SNU13: variants seen among roughly 807,000 people sequenced by gnomAD.
SNU13 encodes NHP2-like protein 1.
In SNU13, 2 loss-of-function variants were observed where a neutral mutation model predicts 12.4. The ratio of observed to expected loss-of-function variants is 0.16; its 90% CI spans 0.07 to 0.51. The LOEUF is 0.51. Ranked by LOEUF, SNU13 falls within the 20% of genes least tolerant of loss-of-function variation. SNU13 has a pLI of 0.96. For missense variants in SNU13, 66 were observed against 157.8 expected (o/e 0.42, Z 3.12); for synonymous variants, 68 against 66.5 (o/e 1.02, Z -0.11).
intron 1 of SNU13, among the ~76,000 whole-genome samples, chr22:41,685,958 G>C (rs1462150218): frequency 3.2e-5 from 4 of 123,560 alleles, no homozygotes; most frequent in Non-Finnish European, 6.8e-5. Flanking sequence ...GACAGAGCGA[G>C]ACTCTGTCTC....
intron 2 of SNU13, chr22:41,679,574 A>T (rs554912275): frequency 8.6e-5 from 13 of 151,930 alleles, no homozygotes; most frequent in African/African-American, 2.4e-4. Context: ...ATAAATAAAT[A>T]AATAAAATAA....
chr22:41,679,364 C>A (rs2068242147), intron 2 of SNU13, among the ~76,000 whole-genome samples: 1 of 152,160 alleles, frequency 6.6e-6, no homozygotes, highest in South Asian at 2.1e-4. Flanking sequence ...CGAGACCAGA[C>A]TGACCAACAT....
At chr22:41,683,499 C>T (rs1210914352) in intron 1 of SNU13, among the ~76,000 whole-genome samples, 8 of 152,102 alleles carry the variant, frequency 5.3e-5, no homozygotes, top group Non-Finnish European at 8.8e-5. Flanking sequence ...CCTGGGCATC[C>T]CAAAGTACTG....
upstream of SNU13, chr22:41,688,921 G>C (rs1288481406): frequency 9.0e-6 from 13 of 1,448,356 alleles, no homozygotes; most frequent in Non-Finnish European, 1.1e-5. Flanking sequence ...GGAAGCGAAG[G>C]TGACGCTACG....
In SNU13 at chr22:41,674,622, T is replaced by G; in HGVS notation, c.*311A>C. The G allele has an allele frequency of 2.9e-6, 1 of 343,736 alleles. No homozygotes were observed. Among genetic ancestry groups the G allele is most frequent in the Non-Finnish European group, 5.5e-6 (1 of 182,472 alleles). The allele number at this position is 343,736 out of a possible 1,614,324, so 21.3% of individuals were successfully genotyped here. A position where few individuals can be genotyped will look rare whatever the true frequency, so the allele number is the denominator to read the frequency against. On this transcript the variant is annotated 3_prime_UTR_variant, in exon 3 of 3. Coordinates refer to ENST00000401959, the MANE Select transcript of SNU13 (RefSeq NM_001003796.2). ...GAAAGCTGGAACCAGATCTCTGTCC[T>G]GGCTCCATCAGCTTTCTCCTGGCTC...
chr22:41,679,837 A>T (rs926028827), intron 2 of SNU13: 2 of 153,242 alleles, frequency 1.3e-5, no homozygotes, highest in African/African-American at 4.8e-5. Context: ...CATCCAAAAA[A>T]AAAAGGGAGA....
chr22:41,684,400 G>A (rs992692466), intron 1 of SNU13, among the ~76,000 whole-genome samples: 9 of 151,252 alleles, frequency 6.0e-5, no homozygotes, highest in South Asian at 2.1e-4. Context: ...TTTTTATCCC[G>A]TTTCTCCCTA....
upstream of SNU13, chr22:41,688,995 G>A (rs1171502979): frequency 1.5e-6 from 2 of 1,319,572 alleles, no homozygotes; most frequent in African/African-American, 2.9e-5. Flanking sequence ...TGTCGAAGAA[G>A]GAACGTACTT....
At chr22:41,677,826 C>T (rs907170526) in intron 2 of SNU13, among the ~76,000 whole-genome samples, 2 of 152,148 alleles carry the variant, frequency 1.3e-5, no homozygotes, top group Non-Finnish European at 2.9e-5. Context: ...CATGCCTTTA[C>T]ACCATGCCCA....
At chr22:41,687,029 C>T (rs1262954068) in intron 1 of SNU13, among the ~76,000 whole-genome samples, 2 of 151,810 alleles carry the variant, frequency 1.3e-5, no homozygotes, top group African/African-American at 2.4e-5. Context: ...GATCTTGGCT[C>T]ACTGCAACCC....
At chr22:41,675,351 G>A (rs1469244683) in intron 2 of SNU13, among the ~76,000 whole-genome samples, 156 bp from the exon 3 acceptor site, 4 of 152,080 alleles carry the variant, frequency 2.6e-5, no homozygotes, top group Non-Finnish European at 5.9e-5. Flanking sequence ...CATACACAAT[G>A]GCATTTTCTC....
intron 2 of SNU13, chr22:41,679,831 CAA>C (rs796215316): frequency 2.1e-5 from 3 of 142,958 alleles, no homozygotes; most frequent in Admixed American, 7.0e-5. Flanking sequence ...TAATTGCATC[CAA>C]AAAAAAAAGG....
Position 41,688,863 on chromosome 22 carries a change from C to A in SNU13, c.-67G>T. On this transcript the variant is annotated 5_prime_UTR_variant, in exon 1 of 3. Coordinates refer to ENST00000401959, the MANE Select transcript of SNU13 (RefSeq NM_001003796.2). ...CTGACGTTTCAGAAGCACTCGCGTG[C>A]ACCGGAAAAACTCACAGAAGCAGCA... The A allele has an allele frequency of 6.5e-7, 1 of 1,531,692 alleles. No individual in the cohort carries two copies. The highest frequency in any genetic ancestry group is 1.4e-5 in the African/African-American group (1 of 73,124). 94.9% of individuals were successfully genotyped at this position (1,531,692 alleles called of 1,614,324 possible).
In SNU13 at chr22:41,682,385, G is replaced by T. The variant is rs761224729; in HGVS notation, c.4-2021C>A. 7.4e-6 allele frequency: 12 copies of T among 1,613,902 alleles called. No individual in the cohort carries two copies. The South Asian group carries it at 1.2e-4, about 16-fold the overall frequency. On this transcript the variant is annotated intron_variant, in intron 1 of 2. Transcript: ENST00000401959. The stretch of plus-strand genomic sequence containing the variant: ...GCGTCTGTCTTGGTAGTCTCTTGCC[G>T]GACACCGCGAGGATACCACGCGTGT...
At chr22:41,681,404 C>T (rs1422429021) in intron 1 of SNU13, 1 of 152,148 alleles carries the variant, frequency 6.6e-6, no homozygotes, top group African/African-American at 2.4e-5. Context: ...TGTAAAATAT[C>T]TTCATGGTTT....
chr22:41,678,945 C>T (rs2068237550), intron 2 of SNU13, among the ~76,000 whole-genome samples: 1 of 152,178 alleles, frequency 6.6e-6, no homozygotes, highest in Admixed American at 6.5e-5. Context: ...ATCAAACTAC[C>T]CAGCATCTAT....
chr22:41,681,788 T>C (rs1032610106), intron 1 of SNU13, among the ~76,000 whole-genome samples: 5 of 152,172 alleles, frequency 3.3e-5, no homozygotes, highest in Non-Finnish European at 7.3e-5. Context: ...TGACGCAGAA[T>C]AGCTTGAACC....
At chr22:41,688,758 C>G (rs1396949346) in intron 1 of SNU13, 36 bp downstream of exon 1, 1 of 1,598,924 alleles carries the variant, frequency 6.3e-7, no homozygotes, top group African/African-American at 1.3e-5. Flanking sequence ...CCTGAGTCTC[C>G]CGCTTCCCGG....
At chr22:41,686,701 A>G (rs1019380795) in intron 1 of SNU13, among the ~76,000 whole-genome samples, 1 of 150,682 alleles carries the variant, frequency 6.6e-6, no homozygotes, top group Non-Finnish European at 1.5e-5. Context: ...ATCTCGGCTC[A>G]CTGCAAACAC....
Sources: gnomAD v4.1 joint callset for allele counts (sites outside exome capture counted in the v4.1 genomes callset) on GRCh38, gnomAD v4.1.1 for gene constraint, MANE v1.5 for transcripts, NCBI Gene and HGNC (gene_info 2026-07-23, HGNC 2026-07-21) for gene names.